CACNA2D3: variants seen among roughly 807,000 people sequenced by gnomAD.
CACNA2D3 encodes voltage-dependent calcium channel subunit alpha-2/delta-3.
A neutral mutation model predicts 160.6 loss-of-function variants in CACNA2D3; 60 were observed. The ratio of observed to expected loss-of-function variants is 0.37; its 90% CI spans 0.30 to 0.46. The LOEUF (loss-of-function observed/expected upper bound fraction) is 0.46. CACNA2D3 is among the 20% of genes least tolerant of loss of function. The probability of loss-of-function intolerance (pLI) is 1.00; values close to 1 mark genes in which losing one functional copy is unlikely to be tolerated. For missense variants in CACNA2D3, 1,205 were observed against 1,365.0 expected (o/e 0.88, Z 1.85); for synonymous variants, 558 against 492.9 (o/e 1.13, Z -1.75).
chr3:55,050,066 G>C (rs1704159777), intron 35 of CACNA2D3, among the ~76,000 whole-genome samples: 1 of 151,598 alleles, frequency 6.6e-6, no homozygotes, highest in Admixed American at 6.6e-5. Flanking sequence ...CAATTTGCCA[G>C]TCTGTGTCTT....
Position 54,871,419 on chromosome 3 carries a change from C to A in CACNA2D3, c.1627-120C>A, listed in dbSNP as rs564753000. On this transcript the variant is annotated intron_variant, in intron 17 of 37. Coordinates refer to ENST00000474759, the MANE Select transcript of CACNA2D3 (RefSeq NM_018398.3). Reference sequence around the variant, plus strand: ...ACTGTCACCCTGCTGGGCTTCTCACCCTCATCGGTCCACTCCCAAGCCCTG... The same window carrying A: ...ACTGTCACCCTGCTGGGCTTCTCACACTCATCGGTCCACTCCCAAGCCCTG... The A allele has an allele frequency of 1.3e-4, 89 of 669,032 alleles. No homozygotes were observed. The African/African-American group carries it at 1.5e-3, about 11-fold the overall frequency. The allele number at this position is 669,032 out of a possible 1,614,324, so 41.4% of individuals were successfully genotyped here.
intron 11 of CACNA2D3, among the ~76,000 whole-genome samples, chr3:54,704,196 A>G (rs1334087174): frequency 6.6e-6 from 1 of 152,232 alleles, no homozygotes. Context: ...ACTGGAACAA[A>G]TTGAAAGGTT....
intron 3 of CACNA2D3, 49 bp downstream of exon 3, chr3:54,320,607 G>T (rs1182718056): frequency 5.3e-6 from 5 of 947,812 alleles, no homozygotes; most frequent in Non-Finnish European, 6.3e-6. Flanking sequence ...CACAAAGGCA[G>T]CTTCAGGGGA....
At chr3:54,235,242 T>G (rs1701851709) in intron 2 of CACNA2D3, among the ~76,000 whole-genome samples, 1 of 152,176 alleles carries the variant, frequency 6.6e-6, no homozygotes, top group African/African-American at 2.4e-5. Flanking sequence ...GGATCCTGTA[T>G]TAGTCCATTC....
intron 11 of CACNA2D3, among the ~76,000 whole-genome samples, chr3:54,699,060 T>C (rs1013543215): frequency 1.3e-5 from 2 of 152,140 alleles, no homozygotes; most frequent in African/African-American, 4.8e-5. Context: ...GTGTGCTTCA[T>C]TGAAAAGACA....
intron 13 of CACNA2D3, among the ~76,000 whole-genome samples, chr3:54,776,912 C>T (rs1702436204): frequency 6.6e-6 from 1 of 152,168 alleles, no homozygotes; most frequent in Admixed American, 6.5e-5. Flanking sequence ...GCCAACACAA[C>T]CAAATCTGTA....
chr3:54,621,279 A>G (rs1559528959), intron 9 of CACNA2D3, among the ~76,000 whole-genome samples: 1 of 152,236 alleles, frequency 6.6e-6, no homozygotes, highest in Non-Finnish European at 1.5e-5. Flanking sequence ...GTATGATTCA[A>G]CTAAACTGAA....
intron 35 of CACNA2D3, among the ~76,000 whole-genome samples, chr3:55,043,184 A>C (rs980303985): frequency 6.6e-6 from 1 of 152,166 alleles, no homozygotes; most frequent in East Asian, 1.9e-4. Flanking sequence ...AGTAACCTCC[A>C]AACTGTTTTA....
chr3:55,006,143 A>G (rs901811551), intron 32 of CACNA2D3, among the ~76,000 whole-genome samples: 1 of 152,256 alleles, frequency 6.6e-6, no homozygotes, highest in Non-Finnish European at 1.5e-5. Flanking sequence ...TCCAGACATT[A>G]AAGGTTCCCA....
intron 9 of CACNA2D3, among the ~76,000 whole-genome samples, chr3:54,591,446 C>T (rs536127576): frequency 2.9e-4 from 44 of 152,086 alleles, no homozygotes; most frequent in African/African-American, 6.5e-4. Flanking sequence ...CCTGGTTTTC[C>T]GAGGGAAAAT....
At chr3:54,615,680 T>G (rs1377904194) in intron 9 of CACNA2D3, among the ~76,000 whole-genome samples, 1 of 152,200 alleles carries the variant, frequency 6.6e-6, no homozygotes, top group African/African-American at 2.4e-5. Flanking sequence ...CACAATAATC[T>G]AGATGAGTAT....
rs758754835 is a variant in CACNA2D3, at chr3:54,562,845, A to G, written c.590A>G (p.Lys197Arg). ...GTTTATTGGTCTGAATCTCTAAACA[A>G]AGTTTTTGTAGATAACTTTGACCGT... ...NGVYWSESLN[K>R]VFVDNFDRDP... Residue 197 changes from lysine to arginine, a missense_variant, in exon 6 of 38, where the codon AAA becomes AGA. Physicochemically the swap from Lys to Arg is conservative, Grantham distance 26 (BLOSUM62 2). Around this residue, in one of 3 missense-constraint regions of CACNA2D3, gnomAD observed 131 missense variants for 201.5 expected, o/e 0.65. Coordinates refer to ENST00000474759, the MANE Select transcript of CACNA2D3 (RefSeq NM_018398.3). 1 of 1,613,290 alleles carries G rather than the reference A, an allele frequency of 6.2e-7. No individual in the cohort carries two copies. The highest frequency in any genetic ancestry group is 1.1e-5 in the South Asian group (1 of 91,052).
intron 21 of CACNA2D3, 66 bp downstream of exon 21, chr3:54,880,929 GT>G: frequency 7.3e-7 from 1 of 1,374,860 alleles, no homozygotes; most frequent in Non-Finnish European, 1.0e-6. Context: ...TAGCTACTGA[GT>G]TAGCTGAAGA....
chr3:54,456,887 A>G (rs1334360627), intron 4 of CACNA2D3, among the ~76,000 whole-genome samples: 1 of 151,694 alleles, frequency 6.6e-6, no homozygotes, highest in Non-Finnish European at 1.5e-5. Flanking sequence ...TTTTTGGCCT[A>G]TAGTTGCTTA....
intron 2 of CACNA2D3, among the ~76,000 whole-genome samples, chr3:54,201,285 T>C (rs1237181621): frequency 6.6e-6 from 1 of 152,248 alleles, no homozygotes; most frequent in Non-Finnish European, 1.5e-5. Context: ...GTTAGCATTA[T>C]ATATACTTCG....
At chr3:54,266,038 G>T (rs931277990) in intron 2 of CACNA2D3, among the ~76,000 whole-genome samples, 1 of 152,100 alleles carries the variant, frequency 6.6e-6, no homozygotes, top group Non-Finnish European at 1.5e-5. Context: ...GAAAAATATG[G>T]GCCAATTTTT....
chr3:54,918,321 C>CTTTTTT lies in CACNA2D3; in HGVS notation c.2449+18458_2449+18463dup, dbSNP rs60257399. On this transcript the variant is annotated intron_variant, in intron 27 of 37. Transcript: ENST00000474759. ...CCAGAAATATTTTTTACAGACACAT[C>CTTTTTT]TTTTTTTTTTCTTTTTTTTTTTTTT... 9.9e-5 allele frequency: 39 copies of CTTTTTT among 394,430 alleles called. 1 individual carries two copies. Among genetic ancestry groups the CTTTTTT allele is most frequent in the African/African-American group, 8.8e-4 (30 of 34,136 alleles). 24.4% of individuals were successfully genotyped at this position (394,430 alleles called of 1,614,324 possible). A position where few individuals can be genotyped will look rare whatever the true frequency, so the allele number is the denominator to read the frequency against.
chr3:54,689,522 C>T (rs145990866), intron 11 of CACNA2D3, among the ~76,000 whole-genome samples: 61 of 152,230 alleles, frequency 4.0e-4, no homozygotes, highest in East Asian at 1.4e-3. Flanking sequence ...TCAGACTTCT[C>T]TTGTCCAAAG....
intron 13 of CACNA2D3, among the ~76,000 whole-genome samples, chr3:54,807,286 A>T (rs1703156196): frequency 6.6e-6 from 1 of 152,322 alleles, no homozygotes; most frequent in South Asian, 2.1e-4. Context: ...AATGGGAGAA[A>T]ATTTTCGCAA....
Sources: allele counts gnomAD v4.1 joint callset (sites outside exome capture counted in the v4.1 genomes callset), GRCh38; gene constraint gnomAD v4.1.1; regional missense constraint gnomAD v4.1.1; transcripts MANE v1.5; gene names NCBI Gene and HGNC (gene_info 2026-07-23, HGNC 2026-07-21).